Variants in ESR1 observed in about 807,000 individuals in gnomAD.
ESR1 encodes estrogen receptor 1.
A neutral mutation model predicts 52.7 loss-of-function variants in ESR1; 12 were observed. That is an observed-to-expected ratio of 0.23 (90% CI 0.15 to 0.37). ESR1 has a LOEUF of 0.37. ESR1 is among the 10% of genes least tolerant of loss of function. ESR1 has a pLI of 1.00. For synonymous variants in ESR1, 305 were observed against 316.8 expected, an observed-to-expected ratio of 0.96 and a Z score of 0.39; for missense variants, 584 against 779.7, an observed-to-expected ratio of 0.75 and a Z score of 2.99.
At chr6:151,997,927 G>A (rs2041633174) in intron 4 of ESR1, among the ~76,000 whole-genome samples, 1 of 152,086 alleles carries the variant, frequency 6.6e-6, no homozygotes, top group Non-Finnish European at 1.5e-5. Context: ...GCTTAGAGGT[G>A]TCCCCAAAGC....
chr6:151,845,624 G>T (rs1218459509), intron 2 of ESR1, among the ~76,000 whole-genome samples: 1 of 152,124 alleles, frequency 6.6e-6, no homozygotes, highest in East Asian at 1.9e-4. Flanking sequence ...TCGCCGTCTT[G>T]TATACGCAGA....
intron 5 of ESR1, among the ~76,000 whole-genome samples, chr6:152,012,046 A>T (rs200835378): frequency 1.4e-5 from 2 of 140,512 alleles, no homozygotes; most frequent in African/African-American, 2.8e-5. Context: ...ACACACACAC[A>T]CTCACACTCT....
At chr6:152,039,942 C>T (rs2045645412) in intron 5 of ESR1, among the ~76,000 whole-genome samples, 1 of 152,152 alleles carries the variant, frequency 6.6e-6, no homozygotes, top group South Asian at 2.1e-4. Flanking sequence ...TGTGTAATGC[C>T]ATGACAGTGG....
chr6:152,119,312 T>G (rs1320753532), intron 6 of ESR1, among the ~76,000 whole-genome samples: 1 of 152,138 alleles, frequency 6.6e-6, no homozygotes, highest in African/African-American at 2.4e-5. Context: ...TCTTCTCACT[T>G]CTTACAAAAA....
At chr6:151,713,685 T>C (rs13201871) in intron 2 of ESR1, among the ~76,000 whole-genome samples, 36,723 of 151,938 alleles carry the variant, frequency 0.24, 4,567 homozygotes, top group African/African-American at 0.25. Flanking sequence ...GCTGGTGATA[T>C]TCCCTTTATC....
intron 2 of ESR1, among the ~76,000 whole-genome samples, chr6:151,774,427 G>A (rs1287485669): frequency 1.3e-5 from 2 of 152,248 alleles, no homozygotes; most frequent in African/African-American, 4.8e-5. Flanking sequence ...GGCATCGTAT[G>A]CCAAGAACAG....
intron 2 of ESR1, among the ~76,000 whole-genome samples, chr6:151,767,061 C>G (rs190241716): frequency 6.6e-6 from 1 of 152,124 alleles, no homozygotes; most frequent in East Asian, 1.9e-4. Flanking sequence ...TCTTTTACAC[C>G]ACGTATTTCT....
chr6:152,117,028 T>G (rs894804695), intron 6 of ESR1, among the ~76,000 whole-genome samples: 1 of 152,166 alleles, frequency 6.6e-6, no homozygotes, highest in Non-Finnish European at 1.5e-5. Context: ...GGTGGTAGCT[T>G]GGAAGCCCAG....
At chr6:151,975,442 A>C (rs1310217248) in intron 4 of ESR1, among the ~76,000 whole-genome samples, 1 of 152,108 alleles carries the variant, frequency 6.6e-6, no homozygotes, top group East Asian at 1.9e-4. Context: ...AGTAGGATCA[A>C]TTGATTGGTC....
chr6:151,850,010 T>TTA (rs1562473880), intron 2 of ESR1, among the ~76,000 whole-genome samples: 1,378 of 75,998 alleles, frequency 0.018, 55 homozygotes, highest in African/African-American at 0.052. Context: ...ATATATAATT[T>TTA]TGTATATATA....
At chr6:152,117,088 A>G (rs1204566251) in intron 6 of ESR1, among the ~76,000 whole-genome samples, 1 of 152,170 alleles carries the variant, frequency 6.6e-6, no homozygotes, top group Non-Finnish European at 1.5e-5. Context: ...GGTAATATTG[A>G]TTCTTTGAGC....
intron 4 of ESR1, among the ~76,000 whole-genome samples, chr6:152,002,223 G>GTGTGTGTGT (rs1554303868): frequency 1.3e-4 from 15 of 111,218 alleles, no homozygotes; most frequent in African/African-American, 6.4e-4. Flanking sequence ...TGTGTGTGTG[G>GTGTGTGTGT]AATATCTCAC....
At chr6:151,732,222 C>G (rs747882508) in intron 2 of ESR1, among the ~76,000 whole-genome samples, 25 of 152,082 alleles carry the variant, frequency 1.6e-4, no homozygotes, top group Non-Finnish European at 2.5e-4. Flanking sequence ...AATAGCCAGT[C>G]AAGTTCATAG....
At chr6:151,818,404 G>C (rs1386930595) in intron 1 of ESR1, among the ~76,000 whole-genome samples, 7 of 152,168 alleles carry the variant, frequency 4.6e-5, no homozygotes, top group Admixed American at 4.6e-4. Context: ...CTGGGTCTTG[G>C]TTCTTTGTTT....
intron 5 of ESR1, among the ~76,000 whole-genome samples, chr6:152,030,896 C>G (rs541851514): frequency 6.6e-6 from 1 of 152,316 alleles, no homozygotes; most frequent in East Asian, 1.9e-4. Flanking sequence ...AAGTAAAACA[C>G]TCCTCAGCAA....
At position 152,094,507 on chromosome 6, in the gene ESR1, C is replaced by A. The variant is rs2152496418; in HGVS notation, c.1492C>A (p.Gln498Lys). 1.9e-6 allele frequency: 3 copies of A among 1,614,076 alleles called. No homozygotes were observed. The highest frequency in any genetic ancestry group is 8.5e-7 in the Non-Finnish European group (1 of 1,179,970). ...HLMAKAGLTLQQQHQRLAQLL... is the reference protein window; with the variant it reads ...HLMAKAGLTLKQQHQRLAQLL... The stretch of plus-strand genomic sequence containing the variant: ...GATGGCCAAGGCAGGCCTGACCCTG[C>A]AGCAGCAGCACCAGCGGCTGGCCCA... The change falls in exon 7 of 8, where the codon CAG becomes AAG. Residue 498 changes from glutamine (Q) to lysine (K), a missense_variant. Coordinates refer to ENST00000206249, the MANE Select transcript of ESR1 (RefSeq NM_000125.4). This position sits in a 1 kb window ranked among gnomAD's most constrained non-coding sequence, Gnocchi z 4.6.
chr6:152,048,389 TC>T (rs1222469974), intron 5 of ESR1, among the ~76,000 whole-genome samples: 7 of 144,032 alleles, frequency 4.9e-5, no homozygotes, highest in Non-Finnish European at 9.1e-5. Flanking sequence ...AAAAAGTCAC[TC>T]ACTCACAGAG....
intron 2 of ESR1, among the ~76,000 whole-genome samples, chr6:151,790,243 AT>A (rs1175262621): frequency 6.6e-6 from 1 of 152,122 alleles, no homozygotes; most frequent in Non-Finnish European, 1.5e-5. Context: ...CATGAGCTCC[AT>A]TTTCCTCCGC....
intron 2 of ESR1, among the ~76,000 whole-genome samples, chr6:151,880,320 T>C (rs1234527751): frequency 2.0e-5 from 3 of 151,478 alleles, no homozygotes; most frequent in African/African-American, 7.3e-5. Flanking sequence ...GTAGCTGGGA[T>C]TACAGGTGTA....
Sources: allele counts gnomAD v4.1 joint callset (sites outside exome capture counted in the v4.1 genomes callset), GRCh38; gene constraint gnomAD v4.1.1; non-coding constraint Gnocchi (gnomAD v3.1); transcripts MANE v1.5; gene names NCBI Gene and HGNC (gene_info 2026-07-23, HGNC 2026-07-21).